The following APEH variants were observed in gnomAD, a reference collection of about 807,000 sequenced individuals.
APEH encodes acylamino-acid-releasing enzyme.
Under a neutral mutation model 102.7 loss-of-function variants are expected in APEH, and 75 were observed. That is an observed-to-expected ratio of 0.73 (90% CI 0.61 to 0.89). The LOEUF (loss-of-function observed/expected upper bound fraction) is 0.89. Among genes scored for constraint, APEH ranks in the 40% least tolerant of loss-of-function variants. The pLI is 0.00. For synonymous variants in APEH, 344 were observed against 362.7 expected, an observed-to-expected ratio of 0.95 and a Z score of 0.59; for missense variants, 863 against 941.2, an observed-to-expected ratio of 0.92 and a Z score of 1.09.
At position 49,681,197 on chromosome 3, in the gene APEH, C is replaced by T. The variant is rs761576595; in HGVS notation, c.1396C>T (p.Arg466Trp). ...CATTCCCGACATCCACTGGGGCATC[C>T]GGGTGCTACAGCCACCCCCAGAGCA... ...EPIPDIHWGI[R>W]VLQPPPEQEN... The change falls in exon 15 of 22, where the codon CGG becomes TGG. Residue 466 changes from arginine (R) to tryptophan (W), a missense_variant. Transcript: ENST00000296456. The T allele has an allele frequency of 1.8e-5, 29 of 1,608,422 alleles. No homozygotes were observed. The highest frequency in any genetic ancestry group is 1.2e-4 in the Admixed American group (7 of 59,472).
chr3:49,683,906 C>T lies in APEH; in HGVS notation c.*564C>T. 1 of 1,458,398 alleles carries T rather than the reference C, an allele frequency of 6.9e-7. No individual in the cohort carries two copies. The highest frequency in any genetic ancestry group is 9.2e-7 in the Non-Finnish European group (1 of 1,082,628). The allele number at this position is 1,458,398 out of a possible 1,614,324, so 90.3% of individuals were successfully genotyped here. On this transcript the variant is annotated 3_prime_UTR_variant, in exon 22 of 22. Transcript: ENST00000296456. ...AGCCACCCGAGCCCTAGCAAGGAGT[C>T]ACTGACACATTTCCTGGAAGCAAAG...
intron 14 of APEH, 136 bp from the exon 15 acceptor site, chr3:49,680,965 C>G: frequency 8.6e-7 from 1 of 1,166,228 alleles, no homozygotes; most frequent in East Asian, 2.4e-5. Context: ...CATCCCACAA[C>G]AGGAAGCCAT....
intron 11 of APEH, 123 bp downstream of exon 11, chr3:49,677,756 G>T: frequency 1.0e-6 from 1 of 973,076 alleles, no homozygotes; most frequent in Non-Finnish European, 1.6e-6. Flanking sequence ...TCCCTGCTGG[G>T]CCAGCCTTAT....
In APEH at chr3:49,681,251, CA is replaced by C. The variant is rs752372162; in HGVS notation, c.1438+13del. 7 of 1,549,502 alleles carry C rather than the reference CA, an allele frequency of 4.5e-6. No homozygotes were observed. In the Admixed American group the frequency reaches 9.5e-5, roughly 21 times the overall value. On this transcript the variant is annotated intron_variant, in intron 15 of 21. Coordinates refer to ENST00000296456, the MANE Select transcript of APEH (RefSeq NM_001640.4). ...GAATGTGCAGTATGGTGAGCTGGGC[CA>C]GGGGCAGAGGGATGCCTTCTCCAGG...
At chr3:49,682,763 CT>C (rs1164977392) in intron 19 of APEH, 27 bp downstream of exon 19, 1 of 1,613,372 alleles carries the variant, frequency 6.2e-7, no homozygotes, top group Non-Finnish European at 8.5e-7. Flanking sequence ...GGTCCCTGCC[CT>C]TCCCTCCTCT....
intron 12 of APEH, 30 bp downstream of exon 12, chr3:49,678,979 G>A: frequency 6.3e-7 from 1 of 1,588,096 alleles, no homozygotes; most frequent in Non-Finnish European, 8.6e-7. Flanking sequence ...TTGAGGGGCA[G>A]CCCCTGTGGT....
At chr3:49,674,462 C>T in intron 1 of APEH, 27 bp from the exon 2 acceptor site, 1 of 1,569,774 alleles carries the variant, frequency 6.4e-7, no homozygotes. Flanking sequence ...CCGGGCCGGG[C>T]CTGACCCTGG....
chr3:49,677,975 GGGTCT>G (rs2053145617), intron 11 of APEH, among the ~76,000 whole-genome samples: 2 of 152,118 alleles, frequency 1.3e-5, no homozygotes. Context: ...TCCTTCAAGT[GGGTCT>G]CAGGAAGTGC....
At chr3:49,675,412 G>T in intron 3 of APEH, 103 bp downstream of exon 3, 1 of 1,501,988 alleles carries the variant, frequency 6.7e-7, no homozygotes, top group South Asian at 1.2e-5. Flanking sequence ...CAGCAGCCAG[G>T]TTCTTGCCCC....
chr3:49,682,121 C>T (rs2053354016), intron 17 of APEH, among the ~76,000 whole-genome samples, 154 bp downstream of exon 17: 1 of 152,228 alleles, frequency 6.6e-6, no homozygotes, highest in Non-Finnish European at 1.5e-5. Flanking sequence ...GGGGCCCAGC[C>T]TCTGGTTCTG....
rs1346465164 is a variant in APEH, at chr3:49,679,914, C to T, written c.1210+270C>T. On this transcript the variant is annotated intron_variant, in intron 13 of 21. Coordinates refer to ENST00000296456, the MANE Select transcript of APEH (RefSeq NM_001640.4). This position sits in a 1 kb window ranked among gnomAD's most constrained non-coding sequence, Gnocchi z 4.3. ...TGGCCCAGCCTCAGCACGGCCCCCA[C>T]CTCTGCTCCTAAAACCCACAAAACT... The T allele has an allele frequency of 7.7e-6, 3 of 389,658 alleles. No individual in the cohort carries two copies. Among genetic ancestry groups the T allele is most frequent in the African/African-American group, 4.1e-5 (2 of 48,872 alleles). The allele number at this position is 389,658 out of a possible 1,614,324, so 24.1% of individuals were successfully genotyped here.
At position 49,681,810 on chromosome 3, in the gene APEH, G is replaced by T. The variant is rs758683912; in HGVS notation, c.1522+5G>T. On this transcript the variant is annotated splice_donor_5th_base_variant and intron_variant, in intron 16 of 21. Transcript: ENST00000296456. ...CCATGGTGGTCATGCCCCACGGTAG[G>T]CATCTGGCGTTAAGAGCCCTTGCCC... The T allele has an allele frequency of 3.1e-6, 5 of 1,611,738 alleles. No homozygotes were observed. Among genetic ancestry groups the T allele is most frequent in the Admixed American group, 3.3e-5 (2 of 59,956 alleles).
intron 9 of APEH, 38 bp downstream of exon 9, chr3:49,676,855 T>C (rs1264017739): frequency 1.2e-6 from 2 of 1,614,088 alleles, no homozygotes; most frequent in East Asian, 2.2e-5. Flanking sequence ...TGCTGACACA[T>C]GTTGGCCCTG....
intron 3 of APEH, 86 bp downstream of exon 3, chr3:49,675,395 G>T: frequency 6.4e-7 from 1 of 1,552,016 alleles, no homozygotes; most frequent in African/African-American, 1.4e-5. Context: ...GTGCCTAGAA[G>T]GGAGGCCAGC....
intron 7 of APEH, 36 bp from the exon 8 acceptor site, chr3:49,676,573 C>A (rs750101395): frequency 1.2e-6 from 2 of 1,614,040 alleles, no homozygotes; most frequent in African/African-American, 2.7e-5. Context: ...GAGCTACCAC[C>A]CCTTGCTCAC....
In APEH at chr3:49,679,757, A is replaced by C; in HGVS notation, c.1210+113A>C. Reference sequence around the variant, plus strand: ...GCAGTGATGGCATTCTCAGCCACTCAGCACCACTGACTGTTCCACAGCCTT... The same window carrying C: ...GCAGTGATGGCATTCTCAGCCACTCCGCACCACTGACTGTTCCACAGCCTT... On this transcript the variant is annotated intron_variant, in intron 13 of 21. Coordinates refer to ENST00000296456, the MANE Select transcript of APEH (RefSeq NM_001640.4). The surrounding 1 kb of genome is among the most constrained non-coding windows in gnomAD (Gnocchi z 4.3). 9.1e-7 allele frequency: 1 copy of C among 1,104,804 alleles called. No individual in the cohort carries two copies. Among genetic ancestry groups the C allele is most frequent in the Non-Finnish European group, 1.3e-6 (1 of 742,268 alleles). 68.4% of individuals were successfully genotyped at this position (1,104,804 alleles called of 1,614,324 possible).
chr3:49,675,770 G>C lies in APEH; in HGVS notation c.349G>C (p.Glu117Gln). 8 of 1,614,112 alleles carry C rather than the reference G, an allele frequency of 5.0e-6. No individual in the cohort carries two copies. Among genetic ancestry groups the C allele is most frequent in the Non-Finnish European group, 6.8e-6 (8 of 1,180,000 alleles). ...RKAGGTGPGE[E>Q]KQFLEVWEKN... ...GGCTGGAGGCACGGGCCCTGGGGAA[G>C]AGAAGCAGTTCCTGGAGGTGAGTCT... The change falls in exon 4 of 22, where the codon GAG (glutamate) becomes CAG (glutamine). Residue 117 changes from glutamate to glutamine, a missense_variant. By Grantham distance (29) the Glu-to-Gln change is conservative. Coordinates refer to ENST00000296456, the MANE Select transcript of APEH (RefSeq NM_001640.4).
In APEH at chr3:49,678,889, G is replaced by A; in HGVS notation, c.1098G>A (p.Leu366=). ...GGATCTACTGCAGCCTTCTGCCTTT[G>A]GGATGCTGGTCAGCTGACAGCCAGA... ...FSGIYCSLLP[L]GCWSADSQRV... The change falls in exon 12 of 22, where the codon TTG becomes TTA. Residue 366 remains leucine (L), a synonymous_variant. Coordinates refer to ENST00000296456, the MANE Select transcript of APEH (RefSeq NM_001640.4). 6.2e-7 allele frequency: 1 copy of A among 1,613,944 alleles called. No homozygotes were observed. Among genetic ancestry groups the A allele is most frequent in the Non-Finnish European group, 8.5e-7 (1 of 1,179,982 alleles).
chr3:49,683,081 G>T lies in APEH; in HGVS notation c.2028G>T (p.Arg676=). ...PLLLMLGQED[R]RVPFKQGMEY... is the part of the protein sequence containing the mutation. ...TACTGATGTTGGGCCAGGAGGACCG[G>T]CGTGTGCCCTTCAAGCAGGGCATGG... Residue 676 remains arginine (R), a synonymous_variant, in exon 21 of 22, where the codon CGG becomes CGT. Transcript: ENST00000296456. The T allele has an allele frequency of 6.2e-7, 1 of 1,614,088 alleles. No individual in the cohort carries two copies. The highest frequency in any genetic ancestry group is 8.5e-7 in the Non-Finnish European group (1 of 1,180,026).
Sources: gnomAD v4.1 joint callset for allele counts (sites outside exome capture counted in the v4.1 genomes callset) on GRCh38, gnomAD v4.1.1 for gene constraint, Gnocchi (gnomAD v3.1) non-coding constraint, MANE v1.5 for transcripts, NCBI Gene and HGNC (gene_info 2026-07-23, HGNC 2026-07-21) for gene names.